The following DAB1 variants were observed in gnomAD, a reference collection of about 807,000 sequenced individuals.
DAB1 encodes the protein disabled homolog 1.
DAB1 carries 15 observed loss-of-function variants against 64.6 expected under a neutral mutation model. The observed-to-expected ratio is 0.23, with a 90% CI of 0.16 to 0.36. The LOEUF (loss-of-function observed/expected upper bound fraction) is 0.36, where lower values mean the gene tolerates loss of function less well. Among genes scored for constraint, DAB1 ranks in the 10% least tolerant of loss-of-function variants. DAB1 has a pLI of 1.00. For synonymous variants in DAB1, 235 were observed against 251.9 expected, an observed-to-expected ratio of 0.93 and a Z score of 0.64; for missense variants, 596 against 706.7, an observed-to-expected ratio of 0.84 and a Z score of 1.78.
At chr1:57,959,521 C>G (rs566884326) in intron 5 of DAB1, among the ~76,000 whole-genome samples, 1 of 152,200 alleles carries the variant, frequency 6.6e-6, no homozygotes, top group Non-Finnish European at 1.5e-5. Context: ...TAGATGAGAA[C>G]ATTGAGGCTT....
At chr1:57,223,319 G>A (rs1266134216) in intron 2 of DAB1, among the ~76,000 whole-genome samples, 1 of 152,180 alleles carries the variant, frequency 6.6e-6, no homozygotes, top group Non-Finnish European at 1.5e-5. Flanking sequence ...AAAGAAGAGG[G>A]TGCTTTGTGT....
chr1:57,452,159 A>AC (rs773463305), intron 7 of DAB1, among the ~76,000 whole-genome samples: 5 of 122,700 alleles, frequency 4.1e-5, no homozygotes, highest in Non-Finnish European at 3.3e-5. Flanking sequence ...CTCTCTCTGC[A>AC]CCCCCCCTTT....
At chr1:57,645,923 T>C (rs1480423368) in intron 7 of DAB1, among the ~76,000 whole-genome samples, 2 of 151,968 alleles carry the variant, frequency 1.3e-5, no homozygotes, top group Non-Finnish European at 2.9e-5. Context: ...TTCTTTCAAA[T>C]TGGAAAATGT....
At chr1:57,742,432 G>A (rs1648046459) in intron 6 of DAB1, among the ~76,000 whole-genome samples, 1 of 152,164 alleles carries the variant, frequency 6.6e-6, no homozygotes, top group Non-Finnish European at 1.5e-5. Flanking sequence ...CCTGACCCTG[G>A]CTGGTGTCAG....
At chr1:57,176,968 GAT>G (rs1491474678) in intron 2 of DAB1, among the ~76,000 whole-genome samples, 625 of 35,270 alleles carry the variant, frequency 0.018, 46 homozygotes, top group East Asian at 0.16. Flanking sequence ...AGCAGCAGCA[GAT>G]ATAAAAAAAA....
At chr1:57,256,558 C>A (rs1432199845) in intron 2 of DAB1, among the ~76,000 whole-genome samples, 1 of 128,990 alleles carries the variant, frequency 7.8e-6, no homozygotes, top group Admixed American at 8.7e-5. Context: ...CTTCAAGCCC[C>A]AGCTTTGTCC....
At chr1:57,872,469 T>A in intron 1 of DAB1, among the ~76,000 whole-genome samples, 1 of 152,196 alleles carries the variant, frequency 6.6e-6, no homozygotes, top group East Asian at 1.9e-4. Flanking sequence ...TTTAGAACTG[T>A]GAGAAATAAA....
chr1:58,476,192 C>T (rs1645416927), intron 3 of DAB1, among the ~76,000 whole-genome samples: 1 of 152,078 alleles, frequency 6.6e-6, no homozygotes, highest in Admixed American at 6.5e-5. Flanking sequence ...TATATTTTCT[C>T]TCACATAATT....
At chr1:57,918,982 C>CA (rs139964555) in intron 5 of DAB1, among the ~76,000 whole-genome samples, 14,833 of 151,870 alleles carry the variant, frequency 0.098, 1,095 homozygotes, top group Admixed American at 0.25. Flanking sequence ...TAGCATTTAC[C>CA]AAAAAAAATT....
intron 5 of DAB1, among the ~76,000 whole-genome samples, chr1:58,146,329 T>C (rs1654590874): frequency 6.6e-6 from 1 of 152,156 alleles, no homozygotes; most frequent in Admixed American, 6.5e-5. Context: ...TCACCTCAAA[T>C]AGTTACCGTG....
In DAB1 at chr1:58,048,387, C is replaced by T. The variant is rs1363301500; in HGVS notation, n.387+102124G>A. ...CTTCCACCACCTCCAAAACTGCTTC[C>T]ACTGCCACTGCCAAAGCTACCTCCA... On this transcript the variant is annotated intron_variant and non_coding_transcript_variant, in intron 5 of 20. Transcript: ENST00000485760. 11 of 922,696 alleles carry T rather than the reference C, an allele frequency of 1.2e-5. No individual in the cohort carries two copies. The African/African-American group carries it at 1.5e-4, about 12-fold the overall frequency. The allele number at this position is 922,696 out of a possible 1,614,324, so 57.2% of individuals were successfully genotyped here.
At chr1:57,934,405 A>C (rs1644997392) in intron 5 of DAB1, among the ~76,000 whole-genome samples, 1 of 152,168 alleles carries the variant, frequency 6.6e-6, no homozygotes, top group Admixed American at 6.5e-5. Flanking sequence ...GTGCTAAATT[A>C]GAGAGTTAGA....
chr1:58,179,459 T>G (rs567917933), intron 4 of DAB1, among the ~76,000 whole-genome samples: 1 of 152,264 alleles, frequency 6.6e-6, no homozygotes, highest in East Asian at 1.9e-4. Context: ...TAAAGCCATC[T>G]AGGCTGGGGC....
chr1:58,367,205 G>T (rs2100531179), intron 3 of DAB1, among the ~76,000 whole-genome samples: 1 of 152,254 alleles, frequency 6.6e-6, no homozygotes, highest in South Asian at 2.1e-4. Context: ...TCCTACAAAA[G>T]CCCAGGCCTG....
chr1:57,163,957 G>C (rs924940576), intron 2 of DAB1, among the ~76,000 whole-genome samples: 4 of 152,136 alleles, frequency 2.6e-5, no homozygotes, highest in Admixed American at 2.0e-4. Context: ...AGAGCAGAGA[G>C]AGCAATTTCC....
chr1:57,133,447 A>G (rs545582140), intron 4 of DAB1, among the ~76,000 whole-genome samples: 113 of 152,326 alleles, frequency 7.4e-4, no homozygotes, highest in African/African-American at 2.6e-3. Context: ...TGAAGATGAC[A>G]TAACTCCTTC....
chr1:57,370,294 T>C (rs1680392909), intron 1 of DAB1, among the ~76,000 whole-genome samples: 1 of 152,104 alleles, frequency 6.6e-6, no homozygotes. Context: ...AATAAGATAA[T>C]AAGAAAGTTG....
intron 5 of DAB1, among the ~76,000 whole-genome samples, chr1:58,115,780 T>C (rs1299084541): frequency 6.3e-5 from 7 of 111,646 alleles, no homozygotes; most frequent in Admixed American, 2.0e-4. Flanking sequence ...TAGGTGGGAA[T>C]TGAACAATGA....
In DAB1 at chr1:58,374,023, GTTCT is replaced by G. The variant is rs375897974; in HGVS notation, n.258-30624_258-30621del. 8.7e-4 allele frequency among the ~76,000 whole-genome samples: 74 copies of G among 84,846 alleles called. No homozygotes were observed. The East Asian group carries it at 0.021, about 25-fold the overall frequency. The allele number at this position is 84,846 out of a possible 152,430, so 55.7% of individuals were successfully genotyped here. A position where few individuals can be genotyped will look rare whatever the true frequency, so the allele number is the denominator to read the frequency against. On this transcript the variant is annotated intron_variant and non_coding_transcript_variant, in intron 3 of 20. Coordinates refer to the DAB1 transcript ENST00000485760. ...TGTCCTTCGCCCACTTTTTGATGGG[GTTCT>G]TTGTTTTTTTCTTGTAAATTTGTTT...
Sources: gnomAD v4.1 joint callset for allele counts (sites outside exome capture counted in the v4.1 genomes callset) on GRCh38, gnomAD v4.1.1 for gene constraint, MANE v1.5 for transcripts, NCBI Gene and HGNC (gene_info 2026-07-23, HGNC 2026-07-21) for gene names.